The following IL13RA1 variants were observed in gnomAD, a reference collection of about 807,000 sequenced individuals.
The protein encoded by IL13RA1 is interleukin-13 receptor subunit alpha-1.
A neutral mutation model predicts 33.8 loss-of-function variants in IL13RA1; 14 were observed. That is an observed-to-expected ratio of 0.41 (90% CI 0.27 to 0.65). IL13RA1 has a LOEUF of 0.65. Among genes scored for constraint, IL13RA1 ranks in the 30% least tolerant of loss-of-function variants. The pLI is 0.28. For missense variants in IL13RA1, 313 were observed against 327.0 expected (o/e 0.96, Z 0.33); for synonymous variants, 116 against 115.7 (o/e 1.00, Z -0.02).
chrX:118,804,690 A>G, the IL13RA1 span, among the ~76,000 whole-genome samples: 1 of 111,941 alleles, frequency 8.9e-6, no homozygotes, highest in South Asian at 3.7e-4. Context: ...AGGTTGAGAA[A>G]AATTATCTGT....
intron 10 of IL13RA1, among the ~76,000 whole-genome samples, chrX:118,788,910 C>G (rs1033308402): frequency 9.0e-6 from 1 of 111,695 alleles, no homozygotes; most frequent in African/African-American, 3.3e-5. Flanking sequence ...CGAAATGCTC[C>G]CAAATCTGAA....
chrX:118,736,160 T>A (rs759730708), intron 1 of IL13RA1, among the ~76,000 whole-genome samples: 9 of 111,997 alleles, frequency 8.0e-5, no homozygotes, highest in African/African-American at 2.9e-4. Context: ...ATTTTCATTT[T>A]GCTTACATAT....
chrX:118,766,681 C>T, intron 7 of IL13RA1, 104 bp downstream of exon 7: 1 of 595,101 alleles, frequency 1.7e-6, no homozygotes, highest in East Asian at 3.4e-5. Flanking sequence ...TTACGTTGTT[C>T]CGTGAGTTAT....
the IL13RA1 span, among the ~76,000 whole-genome samples, chrX:118,800,654 C>T: frequency 5.9e-3 from 653 of 111,364 alleles, 9 homozygotes; most frequent in African/African-American, 0.02. Flanking sequence ...CCCACCAATT[C>T]GGGACAGTGG....
chrX:118,804,810 A>T, the IL13RA1 span, among the ~76,000 whole-genome samples: 1 of 112,183 alleles, frequency 8.9e-6, no homozygotes, highest in African/African-American at 3.2e-5. Context: ...GTGACTATGA[A>T]ACCAACCCAA....
chrX:118,772,695 A>G (rs929496313), intron 8 of IL13RA1, among the ~76,000 whole-genome samples: 4 of 112,444 alleles, frequency 3.6e-5, no homozygotes, highest in African/African-American at 1.3e-4. Flanking sequence ...GCTTTCTATT[A>G]TAGCTATTTT....
chrX:118,772,302 G>A (rs1340376550), intron 8 of IL13RA1, among the ~76,000 whole-genome samples: 2 of 112,543 alleles, frequency 1.8e-5, no homozygotes, highest in Non-Finnish European at 3.8e-5. Flanking sequence ...CTTACAAAGG[G>A]CTTCATTCAT....
intron 1 of IL13RA1, among the ~76,000 whole-genome samples, chrX:118,732,141 A>G (rs1290801419): frequency 9.0e-6 from 1 of 110,829 alleles, no homozygotes; most frequent in Non-Finnish European, 1.9e-5. Flanking sequence ...CATCATCACC[A>G]TCCATCCCCA....
chrX:118,748,790 C>T (rs76541557), intron 3 of IL13RA1, among the ~76,000 whole-genome samples: 6,772 of 111,392 alleles, frequency 0.061, 521 homozygotes, highest in African/African-American at 0.21. Flanking sequence ...ACTAAAATGG[C>T]TTTATAAAGA....
the IL13RA1 span, among the ~76,000 whole-genome samples, chrX:118,800,378 C>T: frequency 1.6e-3 from 177 of 110,965 alleles, no homozygotes; most frequent in Middle Eastern, 9.3e-3. Context: ...CGAAGACCTG[C>T]GGCTTCACTC....
chrX:118,803,876 TCCTTCCTTCCTTCCTTC>T, the IL13RA1 span, among the ~76,000 whole-genome samples: 1 of 89,568 alleles, frequency 1.1e-5, no homozygotes, highest in African/African-American at 4.2e-5. Flanking sequence ...CTTCCTTCCT[TCCTTCCTTCCTTCCTTC>T]CTTCCTTCCT....
At chrX:118,770,468 G>T in intron 8 of IL13RA1, 1 of 439,280 alleles carries the variant, frequency 2.3e-6, no homozygotes, top group Non-Finnish European at 4.2e-6. Context: ...CCCAACTGGC[G>T]CTGGCTGGTC....
intron 6 of IL13RA1, among the ~76,000 whole-genome samples, chrX:118,763,822 C>CTTTT (rs33970018): frequency 3.9e-5 from 4 of 102,583 alleles, no homozygotes; most frequent in African/African-American, 1.4e-4. Context: ...AATTGAGTTA[C>CTTTT]TTTTTTTTTT....
intron 1 of IL13RA1, among the ~76,000 whole-genome samples, chrX:118,734,240 C>T (rs1354472925): frequency 8.9e-5 from 10 of 112,182 alleles, no homozygotes; most frequent in Admixed American, 6.6e-4. Context: ...TGTTCTAATA[C>T]GTGAACATGG....
chrX:118,766,575 G>A lies in IL13RA1; in HGVS notation c.874G>A (p.Glu292Lys), dbSNP rs957506671. 1 of 1,044,567 alleles carries A rather than the reference G, an allele frequency of 9.6e-7. No individual in the cohort carries two copies. Among genetic ancestry groups the A allele is most frequent in the Admixed American group, 2.2e-5 (1 of 45,501 alleles). 86.1% of individuals were successfully genotyped at this position (1,044,567 alleles called of 1,213,427 possible). ...CENPEFERNV[E>K]NTSCFMVPGV... ...GAATCCAGAATTTGAGAGAAATGTG[G>A]AGGTCAGTAAATTCAACATTAGCTA... Residue 292 changes from glutamate (E) to lysine (K), a missense_variant and splice_region_variant, in exon 7 of 11, where the codon GAG (glutamate) becomes AAG (lysine). Glu to Lys is a moderately conservative substitution (Grantham distance 56). Coordinates refer to ENST00000371666, the MANE Select transcript of IL13RA1 (RefSeq NM_001560.3).
At chrX:118,759,082 T>C (rs2017564321) in intron 5 of IL13RA1, 1 of 111,889 alleles carries the variant, frequency 8.9e-6, no homozygotes, top group South Asian at 3.8e-4. Flanking sequence ...TCGGGTGATA[T>C]TCAAAATATT....
At chrX:118,753,192 G>C (rs911736900) in intron 4 of IL13RA1, among the ~76,000 whole-genome samples, 10 of 112,282 alleles carry the variant, frequency 8.9e-5, no homozygotes, top group African/African-American at 3.2e-4. Context: ...GCAGATGGTA[G>C]CCTAGTCCTT....
chrX:118,770,562 C>T (rs2017706523), intron 8 of IL13RA1: 2 of 521,276 alleles, frequency 3.8e-6, no homozygotes, highest in African/African-American at 2.3e-5. Context: ...CAGCGCTGCC[C>T]ACGTTCCGCA....
rs183946431 is a variant in IL13RA1 at position 118,744,381 on chromosome X, A to T, written c.229-2573A>T. 3.1e-3 allele frequency among the ~76,000 whole-genome samples: 349 copies of T among 111,785 alleles called. 2 individuals carry two copies. Among genetic ancestry groups the T allele is most frequent in the African/African-American group, 0.011 (329 of 30,802 alleles). On this transcript the variant is annotated intron_variant, in intron 2 of 10. Coordinates refer to ENST00000371666, the MANE Select transcript of IL13RA1 (RefSeq NM_001560.3). ...TGAAGCATAAGGTTCGGATTTAGAT[A>T]CTAAGGCATTTTTTAATTTTTTATG...
Sources: gnomAD v4.1 joint callset for allele counts (sites outside exome capture counted in the v4.1 genomes callset) on GRCh38, gnomAD v4.1.1 for gene constraint, MANE v1.5 for transcripts, NCBI Gene and HGNC (gene_info 2026-07-23, HGNC 2026-07-21) for gene names.